OR14A2: variants seen among roughly 807,000 people sequenced by gnomAD.
OR14A2 encodes olfactory receptor family 14 subfamily A member 2.
For synonymous variants in OR14A2, 114 were observed against 58.6 expected (o/e 1.95, Z -4.32); for missense variants, 237 against 152.9 (o/e 1.55, Z -2.90).
At chr1:247,746,376 G>C in the OR14A2 span, 1 of 152,188 alleles carries the variant, frequency 6.6e-6, no homozygotes, top group Non-Finnish European at 1.5e-5. Flanking sequence ...ACTTTGATGG[G>C]TGGCATCCAC....
upstream of OR14A2, among the ~76,000 whole-genome samples, chr1:247,727,172 A>T (rs1479883984): frequency 2.8e-4 from 41 of 148,488 alleles, no homozygotes; most frequent in African/African-American, 9.2e-4. Context: ...TGAGCATGGA[A>T]TGTTCTTCCA....
upstream of OR14A2, among the ~76,000 whole-genome samples, chr1:247,724,524 G>A (rs1660286827): frequency 6.6e-6 from 1 of 152,082 alleles, no homozygotes; most frequent in Admixed American, 6.6e-5. Flanking sequence ...TAAACATGAA[G>A]TCACACTTAC....
At chr1:247,739,605 G>A in the OR14A2 span, 3 of 715,742 alleles carry the variant, frequency 4.2e-6, no homozygotes, top group East Asian at 7.4e-5. Flanking sequence ...TTGTTGTTCT[G>A]CCATCCACTA....
chr1:247,733,169 G>A, the OR14A2 span, among the ~76,000 whole-genome samples: 2 of 152,036 alleles, frequency 1.3e-5, no homozygotes, highest in East Asian at 1.9e-4. Context: ...TGTGGCTTTC[G>A]TTCCTAGTGA....
chr1:247,733,931 G>A, the OR14A2 span, among the ~76,000 whole-genome samples: 468 of 152,246 alleles, frequency 3.1e-3, 2 homozygotes, highest in African/African-American at 0.011. Context: ...ACAGCTACCA[G>A]AGCTACTATG....
the OR14A2 span, among the ~76,000 whole-genome samples, chr1:247,736,414 A>T: frequency 4.1e-3 from 630 of 152,244 alleles, 5 homozygotes; most frequent in African/African-American, 0.014. Flanking sequence ...TTATTTAATC[A>T]TGTGGAATTT....
chr1:247,745,157 T>C, the OR14A2 span, among the ~76,000 whole-genome samples: 3 of 152,176 alleles, frequency 2.0e-5, no homozygotes, highest in Admixed American at 1.3e-4. Context: ...TAATAGTATA[T>C]TGAAGTAATA....
At chr1:247,736,996 CTTG>C in the OR14A2 span, among the ~76,000 whole-genome samples, 1 of 152,104 alleles carries the variant, frequency 6.6e-6, no homozygotes, top group South Asian at 2.1e-4. Flanking sequence ...GGGGTCTCAT[CTTG>C]TTGTCCAGGC....
At chr1:247,723,173 G>A (rs867436643) in exon 1 of OR14A2, 25 of 717,526 alleles carry the variant, frequency 3.5e-5, no homozygotes, top group Admixed American at 8.0e-5. Context: ...TCATTGTTCC[G>A]CAGGCTGTAG....
upstream of OR14A2, among the ~76,000 whole-genome samples, chr1:247,726,141 C>G (rs979344596): frequency 1.5e-4 from 19 of 122,948 alleles, no homozygotes; most frequent in Non-Finnish European, 2.7e-4. Flanking sequence ...AGTTTACAGT[C>G]CCACCAACAG....
the OR14A2 span, among the ~76,000 whole-genome samples, chr1:247,737,103 C>A: frequency 9.9e-5 from 15 of 152,220 alleles, no homozygotes; most frequent in Middle Eastern, 3.4e-3. Context: ...GGTCCCTTTT[C>A]AACTTTAAAT....
At chr1:247,739,404 G>A in the OR14A2 span, 19 of 780,664 alleles carry the variant, frequency 2.4e-5, no homozygotes, top group African/African-American at 3.0e-4. Flanking sequence ...AGGGTCTGAT[G>A]CACCTTCTAT....
chr1:247,744,145 G>A, the OR14A2 span, among the ~76,000 whole-genome samples: 6 of 152,196 alleles, frequency 3.9e-5, no homozygotes, highest in African/African-American at 7.2e-5. The surrounding 1 kb of genome is among the most constrained non-coding windows in gnomAD (Gnocchi z 4.3). Context: ...AACAAATACC[G>A]TAGTGTTCTA....
chr1:247,745,717 C>T, the OR14A2 span, among the ~76,000 whole-genome samples: 1 of 151,740 alleles, frequency 6.6e-6, no homozygotes, highest in African/African-American at 2.4e-5. Flanking sequence ...AGACATCAGA[C>T]AAAAAAATTA....
At chr1:247,731,566 A>G in the OR14A2 span, among the ~76,000 whole-genome samples, 1 of 151,482 alleles carries the variant, frequency 6.6e-6, no homozygotes, top group Admixed American at 6.6e-5. Context: ...TTTTTCTGGC[A>G]TGTTCTTTTT....
At chr1:247,739,769 C>CT in the OR14A2 span, among the ~76,000 whole-genome samples, 6 of 151,906 alleles carry the variant, frequency 3.9e-5, no homozygotes, top group South Asian at 1.2e-3. Context: ...GAATCTCTCT[C>CT]TGTCATCCAG....
the OR14A2 span, among the ~76,000 whole-genome samples, chr1:247,729,904 G>A: frequency 6.6e-6 from 1 of 151,992 alleles, no homozygotes; most frequent in Admixed American, 6.6e-5. Context: ...AGCATACGAA[G>A]TATACTCCCT....
At chr1:247,735,383 C>T in the OR14A2 span, among the ~76,000 whole-genome samples, 1 of 152,174 alleles carries the variant, frequency 6.6e-6, no homozygotes, top group East Asian at 1.9e-4. Flanking sequence ...TAAGGTGTCA[C>T]ATGCAAATGA....
the OR14A2 span, among the ~76,000 whole-genome samples, chr1:247,736,694 A>G: frequency 6.6e-6 from 1 of 152,072 alleles, no homozygotes; most frequent in Non-Finnish European, 1.5e-5. Context: ...ACACAGGCTA[A>G]TGCAACAGAA....
Sources: gnomAD v4.1 joint callset for allele counts (sites outside exome capture counted in the v4.1 genomes callset) on GRCh38, gnomAD v4.1.1 for gene constraint, Gnocchi (gnomAD v3.1) non-coding constraint, MANE v1.5 for transcripts, NCBI Gene and HGNC (gene_info 2026-07-23, HGNC 2026-07-21) for gene names.